Variants in EXOC6B observed in about 807,000 individuals in gnomAD.
The protein encoded by EXOC6B is SEC15 homolog B.
Under a neutral mutation model 113.5 loss-of-function variants are expected in EXOC6B, and 54 were observed. The observed-to-expected ratio is 0.48, with a 90% CI of 0.38 to 0.60. The LOEUF is 0.60. Ranked by LOEUF, EXOC6B falls within the 20% of genes least tolerant of loss-of-function variation. The pLI is 0.00. For missense variants in EXOC6B, 797 were observed against 977.5 expected (o/e 0.82, Z 2.46); for synonymous variants, 357 against 339.0 (o/e 1.05, Z -0.58).
intron 18 of EXOC6B, among the ~76,000 whole-genome samples, chr2:72,386,751 C>T (rs185632105): frequency 5.3e-5 from 8 of 152,244 alleles, no homozygotes; most frequent in East Asian, 1.9e-4. Context: ...AGAGAAAATA[C>T]GGGAAACTAT....
intron 7 of EXOC6B, among the ~76,000 whole-genome samples, chr2:72,567,037 A>G: frequency 6.6e-6 from 1 of 152,076 alleles, no homozygotes. Flanking sequence ...TGTGGAAAGG[A>G]TAAGGATGAG....
intron 20 of EXOC6B, among the ~76,000 whole-genome samples, chr2:72,324,935 T>C (rs1433167369): frequency 1.3e-5 from 2 of 152,158 alleles, no homozygotes. Context: ...AACTCTCTGC[T>C]AACCTACTGG....
At chr2:72,604,916 G>C (rs1374719460) in intron 6 of EXOC6B, among the ~76,000 whole-genome samples, 1 of 152,130 alleles carries the variant, frequency 6.6e-6, no homozygotes, top group Non-Finnish European at 1.5e-5. Flanking sequence ...TGGTACATGT[G>C]TGTAAAAATA....
rs367810190 is a variant in EXOC6B at position 72,698,842 on chromosome 2, T to C, written c.669+19261A>G. Reference sequence around the variant, plus strand: ...ACCCATTTTCACTAATGGTATAAAATTAAACTGAGATGCTTACAATTTTAT... The same window carrying C: ...ACCCATTTTCACTAATGGTATAAAACTAAACTGAGATGCTTACAATTTTAT... On this transcript the variant is annotated intron_variant, in intron 6 of 21. Coordinates refer to ENST00000272427, the MANE Select transcript of EXOC6B (RefSeq NM_015189.3). Among the ~76,000 whole-genome samples, 86 of 152,318 alleles carry C rather than the reference T, an allele frequency of 5.6e-4. No individual in the cohort carries two copies. In the South Asian group the frequency reaches 7.9e-3, roughly 14 times the overall value.
intron 20 of EXOC6B, among the ~76,000 whole-genome samples, chr2:72,197,790 CACAATA>C (rs1361657865): frequency 1.3e-5 from 2 of 152,048 alleles, no homozygotes; most frequent in African/African-American, 4.8e-5. Flanking sequence ...AGACCAGGCA[CACAATA>C]TAAATGAATG....
rs187650581 is a variant in EXOC6B, at chr2:72,403,027, T to C, written c.1981-23157A>G. On this transcript the variant is annotated intron_variant, in intron 18 of 21. Coordinates refer to ENST00000272427, the MANE Select transcript of EXOC6B (RefSeq NM_015189.3). ...AACAACAAAACACAAGTCCCAGTCATTGCAAATTGGATCTCTGTTGGGAGA... is the reference window on the plus strand; with the variant it reads ...AACAACAAAACACAAGTCCCAGTCACTGCAAATTGGATCTCTGTTGGGAGA... Among the ~76,000 whole-genome samples the C allele has an allele frequency of 3.5e-4, 54 of 152,288 alleles. No individual in the cohort carries two copies. The East Asian group carries it at 4.6e-3, about 13-fold the overall frequency.
At chr2:72,407,561 T>A (rs571938013) in intron 18 of EXOC6B, among the ~76,000 whole-genome samples, 1 of 152,296 alleles carries the variant, frequency 6.6e-6, no homozygotes, top group East Asian at 1.9e-4. Flanking sequence ...TGGTTCAACA[T>A]ATGCAAATCA....
intron 20 of EXOC6B, among the ~76,000 whole-genome samples, chr2:72,284,720 T>C (rs566687575): frequency 6.6e-6 from 1 of 152,022 alleles, no homozygotes; most frequent in African/African-American, 2.4e-5. Context: ...TGATTTTCTA[T>C]AGAAAATCCA....
At chr2:72,350,650 G>C (rs1445826473) in intron 19 of EXOC6B, among the ~76,000 whole-genome samples, 1 of 152,178 alleles carries the variant, frequency 6.6e-6, no homozygotes, top group Non-Finnish European at 1.5e-5. Flanking sequence ...CCTTAAGCTG[G>C]TAGTTATTAC....
At chr2:72,320,131 A>G (rs952960362) in intron 20 of EXOC6B, among the ~76,000 whole-genome samples, 1 of 151,168 alleles carries the variant, frequency 6.6e-6, no homozygotes, top group Non-Finnish European at 1.5e-5. Context: ...CACCACTCCC[A>G]GCCAAGCTTT....
intron 8 of EXOC6B, among the ~76,000 whole-genome samples, chr2:72,557,424 T>C (rs749345055): frequency 3.3e-5 from 5 of 151,730 alleles, no homozygotes; most frequent in Admixed American, 3.3e-4. Flanking sequence ...TCAATCTACA[T>C]TTGGCTTCAC....
chr2:72,338,464 G>T (rs1438396830), intron 19 of EXOC6B, among the ~76,000 whole-genome samples: 3 of 152,022 alleles, frequency 2.0e-5, no homozygotes, highest in Non-Finnish European at 4.4e-5. Flanking sequence ...AGTTGGCATT[G>T]CAAACTTATT....
chr2:72,545,569 A>G (rs971889726), intron 8 of EXOC6B, among the ~76,000 whole-genome samples: 1 of 152,232 alleles, frequency 6.6e-6, no homozygotes, highest in Non-Finnish European at 1.5e-5. Flanking sequence ...ATTTCATAAC[A>G]CAATTCAGAG....
At chr2:72,641,637 C>T (rs1341892277) in intron 6 of EXOC6B, among the ~76,000 whole-genome samples, 1 of 152,244 alleles carries the variant, frequency 6.6e-6, no homozygotes, top group East Asian at 1.9e-4. Context: ...GGGAGCAGGG[C>T]ATAGCTGAAC....
At chr2:72,192,918 C>A (rs889379514) in intron 20 of EXOC6B, among the ~76,000 whole-genome samples, 1 of 152,234 alleles carries the variant, frequency 6.6e-6, no homozygotes, top group Admixed American at 6.5e-5. Flanking sequence ...TTTTCTGGGA[C>A]ACTTAACATA....
chr2:72,553,129 G>A (rs997161343), intron 8 of EXOC6B, among the ~76,000 whole-genome samples: 4 of 152,014 alleles, frequency 2.6e-5, no homozygotes, highest in Non-Finnish European at 5.9e-5. Flanking sequence ...CAATAAAAGA[G>A]TTGAGCAAGG....
intron 18 of EXOC6B, among the ~76,000 whole-genome samples, chr2:72,453,973 T>C (rs915036758): frequency 2.0e-4 from 30 of 152,168 alleles, no homozygotes; most frequent in African/African-American, 6.5e-4. Flanking sequence ...GGAGAGAGAA[T>C]GAGTGCTGAG....
intron 17 of EXOC6B, 50 bp from the exon 18 acceptor site, chr2:72,465,389 A>T: frequency 6.9e-7 from 1 of 1,439,114 alleles, no homozygotes; most frequent in Non-Finnish European, 9.4e-7. Context: ...CAATATGGGC[A>T]GAAATTTCTA....
At chr2:72,318,923 T>TAG (rs1687683712) in intron 20 of EXOC6B, among the ~76,000 whole-genome samples, 1 of 151,208 alleles carries the variant, frequency 6.6e-6, no homozygotes, top group African/African-American at 2.4e-5. Flanking sequence ...CTTAAAATCA[T>TAG]AAGAACCTAT....
Sources: gnomAD v4.1 joint callset for allele counts (sites outside exome capture counted in the v4.1 genomes callset) on GRCh38, gnomAD v4.1.1 for gene constraint, MANE v1.5 for transcripts, NCBI Gene and HGNC (gene_info 2026-07-23, HGNC 2026-07-21) for gene names.